Variants in ZNF106 observed in about 807,000 individuals in gnomAD.
ZNF106 encodes the protein zinc finger protein 106.
Under a neutral mutation model 195.1 loss-of-function variants are expected in ZNF106, and 67 were observed. The ratio of observed to expected loss-of-function variants is 0.34; its 90% CI spans 0.28 to 0.42. ZNF106 has a LOEUF of 0.42. ZNF106 is among the 10% of genes least tolerant of loss of function. ZNF106 has a pLI of 1.00. For synonymous variants in ZNF106, 784 were observed against 818.6 expected, an observed-to-expected ratio of 0.96 and a Z score of 0.72; for missense variants, 2,118 against 2,304.5, an observed-to-expected ratio of 0.92 and a Z score of 1.66.
intron 1 of ZNF106, among the ~76,000 whole-genome samples, chr15:42,478,990 G>A (rs559984089): frequency 2.1e-3 from 325 of 152,220 alleles, no homozygotes; most frequent in Non-Finnish European, 3.6e-3. Flanking sequence ...AATTTCTCTT[G>A]TGATTTCTTC....
rs368303436 is a variant in ZNF106, at chr15:42,489,093, A to AACACACAC, written c.-33+1879_-33+1886dup. 1.1e-3 allele frequency among the ~76,000 whole-genome samples: 154 copies of AACACACAC among 142,474 alleles called. 1 individual carries two copies. The highest frequency in any genetic ancestry group is 0.01 in the East Asian group (50 of 4,882). The allele number at this position is 142,474 out of a possible 152,430, so 93.5% of individuals were successfully genotyped here. A position where few individuals can be genotyped will look rare whatever the true frequency, so the allele number is the denominator to read the frequency against. On this transcript the variant is annotated intron_variant, in intron 1 of 21. Coordinates refer to ENST00000564754, the MANE Select transcript of ZNF106 (RefSeq NM_001366845.3). The stretch of plus-strand genomic sequence containing the variant: ...GCTCTCTCTAAAAAAAAAAAAAAAC[A>AACACACAC]ACACACACACACACACACACACACA...
Position 42,451,878 on chromosome 15 carries a change from T to A in ZNF106, c.394A>T (p.Ile132Phe). Residue 132 changes from isoleucine to phenylalanine, a missense_variant, in exon 5 of 22, where the codon ATT becomes TTT. Transcript: ENST00000564754. The part of the protein sequence containing the change: ...RRPQWRREDR[I>F]PYQDRESYSQ... ...TAACTCTCTCTGTCTTGGTAAGGAATTCGGTCTTCTCGTCTCCATTGGGGT... is the reference window on the plus strand; with the variant it reads ...TAACTCTCTCTGTCTTGGTAAGGAAATCGGTCTTCTCGTCTCCATTGGGGT... 1.9e-6 allele frequency: 3 copies of A among 1,614,222 alleles called. No homozygotes were observed. Among genetic ancestry groups the A allele is most frequent in the Non-Finnish European group, 2.5e-6 (3 of 1,180,034 alleles).
At chr15:42,481,774 T>C (rs1381008016) in intron 1 of ZNF106, among the ~76,000 whole-genome samples, 2 of 152,200 alleles carry the variant, frequency 1.3e-5, no homozygotes, top group Admixed American at 6.5e-5. Flanking sequence ...TTTCTGATGA[T>C]TCGTCAGTGG....
intron 14 of ZNF106, among the ~76,000 whole-genome samples, chr15:42,432,668 C>T (rs2055095953): frequency 6.8e-6 from 1 of 146,446 alleles, no homozygotes; most frequent in Non-Finnish European, 1.5e-5. Flanking sequence ...TGCCCAGGAG[C>T]TTTAGAATAG....
chr15:42,464,728 C>T (rs972302250), intron 3 of ZNF106, among the ~76,000 whole-genome samples: 1 of 151,872 alleles, frequency 6.6e-6, no homozygotes, highest in Non-Finnish European at 1.5e-5. Context: ...GGGATAGAGA[C>T]AGGTGATATG....
Position 42,439,687 on chromosome 15 carries a change from C to G in ZNF106, c.3890G>C (p.Arg1297Thr). 1.2e-6 allele frequency: 2 copies of G among 1,613,970 alleles called. No individual in the cohort carries two copies. The highest frequency in any genetic ancestry group is 1.7e-6 in the Non-Finnish European group (2 of 1,179,978). Reference sequence around the variant, plus strand: ...GGAAGAGGGAGAGTTTTCTCTGTTTCTGGTATTTCTTTGCTCCACAGAAAA... The same window carrying G: ...GGAAGAGGGAGAGTTTTCTCTGTTTGTGGTATTTCTTTGCTCCACAGAAAA... ...LKFSVEQRNT[R>T]NRENSPSSQS... Residue 1297 changes from arginine (R) to threonine (T), a missense_variant, in exon 11 of 22, where the codon AGA becomes ACA. Arg to Thr is a moderately conservative substitution (Grantham distance 71). Transcript: ENST00000564754.
At chr15:42,434,932 C>A (rs998396943) in intron 14 of ZNF106, among the ~76,000 whole-genome samples, 11 of 152,076 alleles carry the variant, frequency 7.2e-5, no homozygotes, top group African/African-American at 1.9e-4. Flanking sequence ...CACCACCATG[C>A]CTGGCTAATT....
intron 1 of ZNF106, among the ~76,000 whole-genome samples, chr15:42,482,621 C>T (rs566117068): frequency 7.3e-5 from 11 of 150,956 alleles, no homozygotes; most frequent in South Asian, 2.1e-4. Context: ...CTCCTCCTCC[C>T]GGGTTCAAGC....
intron 1 of ZNF106, among the ~76,000 whole-genome samples, chr15:42,485,393 T>C (rs890499770): frequency 6.6e-6 from 1 of 152,246 alleles, no homozygotes; most frequent in Admixed American, 6.5e-5. Flanking sequence ...TTCAATATCA[T>C]GCTGTTACAA....
rs374712579 is a variant in ZNF106, at chr15:42,439,405, T to G, written c.4172A>C (p.Glu1391Ala). ...KKSLRAAHVP[E>A]NSDTEQDVLT... The stretch of plus-strand genomic sequence containing the variant: ...AACATCCTGTTCAGTGTCACTATTC[T>G]CAGGAACATGGGCAGCCCGTAGACT... Residue 1391 changes from glutamate (E) to alanine (A), a missense_variant, in exon 11 of 22, where the codon GAG (glutamate) becomes GCG (alanine). Transcript: ENST00000564754. 6.2e-6 allele frequency: 10 copies of G among 1,614,092 alleles called. No homozygotes were observed. The highest frequency in any genetic ancestry group is 1.3e-5 in the African/African-American group (1 of 74,946).
intron 9 of ZNF106, 145 bp downstream of exon 9, chr15:42,444,057 A>G: frequency 1.9e-6 from 1 of 540,142 alleles, no homozygotes; most frequent in Non-Finnish European, 3.1e-6. Flanking sequence ...GGTTGCAGTG[A>G]GCAGAGATTG....
chr15:42,463,191 C>T (rs2056433393), intron 3 of ZNF106, among the ~76,000 whole-genome samples: 1 of 152,122 alleles, frequency 6.6e-6, no homozygotes, highest in South Asian at 2.1e-4. Context: ...CTCCTACAGA[C>T]TAGATTTACT....
chr15:42,451,048 T>C lies in ZNF106; in HGVS notation c.1224A>G (p.Ile408Met), dbSNP rs1567018097. The change falls in exon 5 of 22, where the codon ATA (isoleucine) becomes ATG (methionine). Residue 408 changes from isoleucine to methionine, a missense_variant. Coordinates refer to ENST00000564754, the MANE Select transcript of ZNF106 (RefSeq NM_001366845.3). The part of the protein sequence containing the change: ...IEKPLFDFSL[I>M]TTGIQEPQTD... The stretch of plus-strand genomic sequence containing the variant: ...TTTGGGGCTCCTGTATTCCTGTAGT[T>C]ATCAAGCTAAAATCAAAGAGAGGTT... The C allele has an allele frequency of 4.3e-6, 7 of 1,614,204 alleles. No homozygotes were observed. Among genetic ancestry groups the C allele is most frequent in the Non-Finnish European group, 5.9e-6 (7 of 1,180,040 alleles).
intron 14 of ZNF106, among the ~76,000 whole-genome samples, chr15:42,429,856 G>A (rs2054991068): frequency 6.6e-6 from 1 of 151,980 alleles, no homozygotes; most frequent in African/African-American, 2.4e-5. Flanking sequence ...CAAACATTAT[G>A]GTGAGCTAAA....
At chr15:42,476,764 G>A (rs2056793071) in intron 1 of ZNF106, among the ~76,000 whole-genome samples, 2 of 152,162 alleles carry the variant, frequency 1.3e-5, no homozygotes, top group Non-Finnish European at 2.9e-5. Context: ...AGGGGTAGCA[G>A]AGGCAGAGAA....
intron 15 of ZNF106, among the ~76,000 whole-genome samples, chr15:42,426,940 A>G (rs1480265059): frequency 6.6e-6 from 1 of 152,162 alleles, no homozygotes; most frequent in Non-Finnish European, 1.5e-5. Flanking sequence ...TACGTGCTAA[A>G]TTCTTCTCAC....
rs1362752572 is a variant in ZNF106, at chr15:42,421,899, A to G, written c.5445+18T>C. The stretch of plus-strand genomic sequence containing the variant: ...ACACATTCAAAAGCAAATATCTTAC[A>G]TGACAAATAACACTCACCATGCTTT... On this transcript the variant is annotated intron_variant, in intron 19 of 21. Transcript: ENST00000564754. 2 of 1,521,016 alleles carry G rather than the reference A, an allele frequency of 1.3e-6. No homozygotes were observed. The highest frequency in any genetic ancestry group is 1.8e-6 in the Non-Finnish European group (2 of 1,127,334). The allele number at this position is 1,521,016 out of a possible 1,614,324, so 94.2% of individuals were successfully genotyped here. A position where few individuals can be genotyped will look rare whatever the true frequency, so the allele number is the denominator to read the frequency against.
In ZNF106 at chr15:42,439,375, G is replaced by A; in HGVS notation, c.4202C>T (p.Thr1401Ile). Reference protein sequence around the residue: ...ENSDTEQDVLTVKPVRKVKAG... With the variant: ...ENSDTEQDVLIVKPVRKVKAG... ...TTTTACTTTCCTTACAGGTTTAACAGTCAAAACATCCTGTTCAGTGTCACT... is the reference window on the plus strand; with the variant it reads ...TTTTACTTTCCTTACAGGTTTAACAATCAAAACATCCTGTTCAGTGTCACT... Residue 1401 changes from threonine to isoleucine, a missense_variant, in exon 11 of 22, where the codon ACT (threonine) becomes ATT (isoleucine). By Grantham distance (89) the Thr-to-Ile change is moderately conservative. Transcript: ENST00000564754. The A allele has an allele frequency of 6.2e-7, 1 of 1,614,030 alleles. No homozygotes were observed. The highest frequency in any genetic ancestry group is 8.5e-7 in the Non-Finnish European group (1 of 1,180,042).
At chr15:42,440,994 AAAAAAT>A (rs1483375030) in intron 10 of ZNF106, among the ~76,000 whole-genome samples, 1 of 54,480 alleles carries the variant, frequency 1.8e-5, no homozygotes, top group African/African-American at 1.3e-4. Context: ...AAAAAAAAAA[AAAAAAT>A]ATATATATAT....
Sources: allele counts gnomAD v4.1 joint callset (sites outside exome capture counted in the v4.1 genomes callset), GRCh38; gene constraint gnomAD v4.1.1; transcripts MANE v1.5; gene names NCBI Gene and HGNC (gene_info 2026-07-23, HGNC 2026-07-21).